The following TMEM132D variants were observed in gnomAD, a reference collection of about 807,000 sequenced individuals.
TMEM132D encodes the protein mature OL transmembrane protein.
In TMEM132D, 21 loss-of-function variants were observed where a neutral mutation model predicts 62.3. The observed-to-expected ratio is 0.34, with a 90% CI of 0.24 to 0.49. The LOEUF (loss-of-function observed/expected upper bound fraction) is 0.49. TMEM132D is among the 20% of genes least tolerant of loss of function. The pLI is 0.99. For synonymous variants in TMEM132D, 621 were observed against 575.6 expected (o/e 1.08, Z -1.13); for missense variants, 1,346 against 1,402.8 (o/e 0.96, Z 0.65).
In TMEM132D at chr12:129,536,271, C is replaced by G. The variant is rs1246884478; in HGVS notation, c.969-5066G>C. ...CACCAAAGGGTGCCACACTCCTACG[C>G]ATGTAGATTTGGTGATAGCATTCCT... is the stretch of plus-strand genomic sequence containing the variant. On this transcript the variant is annotated intron_variant, in intron 2 of 8. Coordinates refer to ENST00000422113, the MANE Select transcript of TMEM132D (RefSeq NM_133448.3). 2.6e-5 allele frequency among the ~76,000 whole-genome samples: 4 copies of G among 152,300 alleles called. No individual in the cohort carries two copies. The East Asian group carries it at 5.8e-4, about 22-fold the overall frequency.
intron 3 of TMEM132D, among the ~76,000 whole-genome samples, chr12:129,523,263 G>A (rs1875910716): frequency 6.6e-6 from 1 of 152,146 alleles, no homozygotes; most frequent in South Asian, 2.1e-4. Context: ...TAGTTCCATT[G>A]AAATGGGAGC....
rs1874172378 is a variant in TMEM132D, at chr12:129,074,255, A to G, written c.2920T>C (p.Leu974=). The G allele has an allele frequency of 6.2e-7, 1 of 1,614,106 alleles. No individual in the cohort carries two copies. Among genetic ancestry groups the G allele is most frequent in the Non-Finnish European group, 8.5e-7 (1 of 1,180,032 alleles). The change falls in exon 9 of 9, where the codon TTG becomes CTG. Residue 974 remains leucine, a synonymous_variant. Coordinates refer to ENST00000422113, the MANE Select transcript of TMEM132D (RefSeq NM_133448.3). The stretch of plus-strand genomic sequence containing the variant: ...GAGGCAAAGTTGATGTGATTCTCCA[A>G]CAGCTCTGTCCGGTTGCTTAACCCA... ...WVGLSNRTEL[L]ENHINFASSQ...
chr12:129,155,297 G>A (rs577214239), intron 5 of TMEM132D, among the ~76,000 whole-genome samples: 18 of 152,282 alleles, frequency 1.2e-4, no homozygotes, highest in African/African-American at 4.3e-4. Context: ...ATGCTACAGG[G>A]AGTACATGCA....
In TMEM132D at chr12:129,485,112, G is replaced by A. The variant is rs575914020; in HGVS notation, c.1115+45947C>T. On this transcript the variant is annotated intron_variant, in intron 3 of 8. Transcript: ENST00000422113. ...TGATCCCAGAAACCAGTGCAGGAGA[G>A]TGTGGTGGTGAGATGGGAGGCAAAC... Among the ~76,000 whole-genome samples, 16 of 152,334 alleles carry A rather than the reference G, an allele frequency of 1.1e-4. No homozygotes were observed. In the East Asian group the frequency reaches 3.1e-3, roughly 29 times the overall value.
chr12:129,784,775 G>A (rs58322722), intron 1 of TMEM132D, among the ~76,000 whole-genome samples: 2,982 of 152,266 alleles, frequency 0.02, 101 homozygotes, highest in African/African-American at 0.069. Context: ...TCGCCCTGAA[G>A]TGGGGAGTGT....
At chr12:129,483,979 CT>C (rs1168049895) in intron 3 of TMEM132D, among the ~76,000 whole-genome samples, 1 of 152,040 alleles carries the variant, frequency 6.6e-6, no homozygotes, top group South Asian at 2.1e-4. Context: ...ACTTATTTCT[CT>C]TTTTTTTGAG....
intron 2 of TMEM132D, among the ~76,000 whole-genome samples, chr12:129,565,382 C>G (rs1593067983): frequency 1.3e-5 from 2 of 152,306 alleles, no homozygotes; most frequent in Admixed American, 6.5e-5. Context: ...GGAAAGAACT[C>G]TAAGGGCTGC....
At chr12:129,430,791 T>G (rs1487325726) in intron 3 of TMEM132D, among the ~76,000 whole-genome samples, 1 of 152,204 alleles carries the variant, frequency 6.6e-6, no homozygotes, top group Non-Finnish European at 1.5e-5. Context: ...TGCCAATAAT[T>G]GCAGTCGATG....
intron 2 of TMEM132D, among the ~76,000 whole-genome samples, chr12:129,581,310 A>C (rs1201680745): frequency 6.6e-6 from 1 of 152,196 alleles, no homozygotes; most frequent in African/African-American, 2.4e-5. Context: ...AGCCAAGTGT[A>C]CTAGGGTTCT....
chr12:129,453,643 G>A (rs1354764719), intron 3 of TMEM132D, among the ~76,000 whole-genome samples: 1 of 152,190 alleles, frequency 6.6e-6, no homozygotes, highest in African/African-American at 2.4e-5. Context: ...AACGCTGACT[G>A]CTGTGGGCAG....
chr12:129,196,926 A>G (rs1258589291), intron 5 of TMEM132D, among the ~76,000 whole-genome samples: 1 of 152,130 alleles, frequency 6.6e-6, no homozygotes, highest in Non-Finnish European at 1.5e-5. Context: ...TCTGTGGAGG[A>G]GTTACTTTTG....
chr12:129,402,661 T>G (rs992882054), intron 3 of TMEM132D, among the ~76,000 whole-genome samples: 7 of 152,088 alleles, frequency 4.6e-5, no homozygotes, highest in Non-Finnish European at 7.4e-5. Context: ...GCCTCAACCC[T>G]CTGGACTCAA....
intron 2 of TMEM132D, among the ~76,000 whole-genome samples, chr12:129,655,720 C>A (rs1308870599): frequency 6.6e-6 from 1 of 152,062 alleles, no homozygotes; most frequent in African/African-American, 2.4e-5. Context: ...CTGTCATTGG[C>A]TGGAGGGCTG....
At chr12:129,143,269 C>T (rs552710670) in intron 5 of TMEM132D, among the ~76,000 whole-genome samples, 14 of 152,256 alleles carry the variant, frequency 9.2e-5, no homozygotes, top group Non-Finnish European at 1.9e-4. Context: ...GAAACACTTA[C>T]TTACATTTAC....
rs1414875570 is a variant in TMEM132D at position 129,328,996 on chromosome 12, G to A, written c.1299+8638C>T. The stretch of plus-strand genomic sequence containing the variant: ...TATAAAGAATTTATATATATGTAAA[G>A]AACATATATATATAAACAATTTATA... On this transcript the variant is annotated intron_variant, in intron 4 of 8. Coordinates refer to ENST00000422113, the MANE Select transcript of TMEM132D (RefSeq NM_133448.3). Among the ~76,000 whole-genome samples the A allele has an allele frequency of 3.4e-5, 5 of 147,142 alleles. No homozygotes were observed. In the Admixed American group the frequency reaches 3.4e-4, roughly 10 times the overall value.
intron 2 of TMEM132D, among the ~76,000 whole-genome samples, chr12:129,578,406 T>TTATGTGTG (rs1555219542): frequency 1.2e-4 from 4 of 34,662 alleles, no homozygotes; most frequent in Non-Finnish European, 1.8e-4. Context: ...AGTAATACAA[T>TTATGTGTG]TATGTGTGTG....
intron 4 of TMEM132D, among the ~76,000 whole-genome samples, chr12:129,273,320 G>A (rs1365861778): frequency 6.6e-6 from 1 of 151,524 alleles, no homozygotes; most frequent in African/African-American, 2.4e-5. Flanking sequence ...GTCAAGCACT[G>A]TGGAAAGAAG....
Position 129,420,306 on chromosome 12 carries a change from G to GTTTTTTTTTTTTTTTTT in TMEM132D, c.1116-82506_1116-82490dup, listed in dbSNP as rs71082709. 5.1e-4 allele frequency among the ~76,000 whole-genome samples: 57 copies of GTTTTTTTTTTTTTTTTT among 112,294 alleles called. 1 individual carries two copies. The highest frequency in any genetic ancestry group is 7.2e-4 in the African/African-American group (18 of 24,954). The allele number at this position is 112,294 out of a possible 152,430, so 73.7% of individuals were successfully genotyped here. A position where few individuals can be genotyped will look rare whatever the true frequency, so the allele number is the denominator to read the frequency against. On this transcript the variant is annotated intron_variant, in intron 3 of 8. Transcript: ENST00000422113. ...AATTTCAAATTATTGCACGTTCTCT[G>GTTTTTTTTTTTTTTTTT]TTTTTTTTTTTTTTTTTTTTTTTTG... is the stretch of plus-strand genomic sequence containing the variant.
At chr12:129,707,343 A>G (rs1881531092) in intron 1 of TMEM132D, among the ~76,000 whole-genome samples, 1 of 141,348 alleles carries the variant, frequency 7.1e-6, no homozygotes, top group African/African-American at 3.0e-5. Context: ...TGAACAAATC[A>G]TGCATTTATA....
Sources: allele counts gnomAD v4.1 joint callset (sites outside exome capture counted in the v4.1 genomes callset), GRCh38; gene constraint gnomAD v4.1.1; transcripts MANE v1.5; gene names NCBI Gene and HGNC (gene_info 2026-07-23, HGNC 2026-07-21).